The following ZNF277 variants were observed in gnomAD, a reference collection of about 807,000 sequenced individuals.
The protein encoded by ZNF277 is zinc finger protein 277, also known as nuclear receptor-interacting factor 4.
ZNF277 carries 55 observed loss-of-function variants against 60.7 expected under a neutral mutation model. The observed-to-expected ratio is 0.91, with a 90% CI of 0.73 to 1.13. The LOEUF (loss-of-function observed/expected upper bound fraction) is 1.13. ZNF277 is among the 50% of genes most tolerant of loss of function. The probability of loss-of-function intolerance (pLI) is 0.00; values close to 1 mark genes in which losing one functional copy is unlikely to be tolerated. For synonymous variants in ZNF277, 178 were observed against 179.3 expected, an observed-to-expected ratio of 0.99 and a Z score of 0.06; for missense variants, 510 against 523.0, an observed-to-expected ratio of 0.98 and a Z score of 0.24.
rs1793483536 is a variant in ZNF277 at position 112,343,522 on chromosome 7, A to G, written c.*793A>G. Among the ~76,000 whole-genome samples, 1 of 152,200 alleles carries G rather than the reference A, an allele frequency of 6.6e-6. No homozygotes were observed. The highest frequency in any genetic ancestry group is 2.4e-5 in the African/African-American group (1 of 41,454). ...TGTTTACAATATTATCAGTTTCATTACTGATGAATATTATATGCCTCCTGA... is the reference window on the plus strand; with the variant it reads ...TGTTTACAATATTATCAGTTTCATTGCTGATGAATATTATATGCCTCCTGA... On this transcript the variant is annotated 3_prime_UTR_variant, in exon 12 of 12. Transcript: ENST00000361822.
intron 1 of ZNF277, among the ~76,000 whole-genome samples, chr7:112,258,659 C>G (rs1791376723): frequency 6.6e-6 from 1 of 151,914 alleles, no homozygotes; most frequent in Non-Finnish European, 1.5e-5. Flanking sequence ...TAAAAATTTA[C>G]TTTTTTATTG....
intron 1 of ZNF277, among the ~76,000 whole-genome samples, chr7:112,277,107 A>T (rs1163825577): frequency 8.3e-6 from 1 of 120,744 alleles, no homozygotes; most frequent in Non-Finnish European, 1.7e-5. Context: ...TTTTTGAGAC[A>T]GAGTCTCCCT....
chr7:112,282,305 A>G (rs1490826091), intron 1 of ZNF277, among the ~76,000 whole-genome samples: 5 of 152,270 alleles, frequency 3.3e-5, no homozygotes, highest in African/African-American at 1.2e-4. Context: ...GGAAGACAGA[A>G]TAGTACAAAT....
intron 1 of ZNF277, among the ~76,000 whole-genome samples, chr7:112,240,863 T>C (rs1406900014): frequency 6.6e-6 from 1 of 152,138 alleles, no homozygotes; most frequent in Non-Finnish European, 1.5e-5. Flanking sequence ...TCAAAATGGA[T>C]TAAAGACTTA....
chr7:112,330,164 A>G lies in ZNF277; in HGVS notation c.749A>G (p.Lys250Arg). Residue 250 changes from lysine (K) to arginine (R), a missense_variant, in exon 7 of 12, where the codon AAG becomes AGG. Physicochemically the swap from Lys to Arg is conservative, Grantham distance 26. Coordinates refer to ENST00000361822, the MANE Select transcript of ZNF277 (RefSeq NM_021994.3). ...KDHMRKKQHR[K>R]INPKNREYDR... is the part of the protein sequence containing the mutation. ...CACATGAGGAAAAAACAGCATCGTA[A>G]GATTAATCCTAAGAACAGAGAATAT... 1 of 1,613,292 alleles carries G rather than the reference A, an allele frequency of 6.2e-7. No individual in the cohort carries two copies. The highest frequency in any genetic ancestry group is 8.5e-7 in the Non-Finnish European group (1 of 1,179,732).
chr7:112,249,732 G>A (rs1461870736), intron 1 of ZNF277, among the ~76,000 whole-genome samples: 1 of 152,186 alleles, frequency 6.6e-6, no homozygotes. Context: ...TCTTATGCCT[G>A]TCTTTACTGC....
In ZNF277 at chr7:112,332,957, G is replaced by A. The variant is rs566885080; in HGVS notation, c.801+2741G>A. ...TAAAGTATAATATTATATAGAACAA[G>A]TGTATAAAAAACTGTCCCAAATACT... On this transcript the variant is annotated intron_variant, in intron 7 of 11. Transcript: ENST00000361822. Among the ~76,000 whole-genome samples, 813 of 152,170 alleles carry A rather than the reference G, an allele frequency of 5.3e-3. 7 individuals carry two copies. The highest frequency in any genetic ancestry group is 0.01 in the Middle Eastern group (3 of 292).
At chr7:112,280,827 C>T (rs1386536792) in intron 1 of ZNF277, among the ~76,000 whole-genome samples, 3 of 152,024 alleles carry the variant, frequency 2.0e-5, no homozygotes, top group Non-Finnish European at 2.9e-5. Flanking sequence ...GGGGTTTCAC[C>T]GTGTTGCCCA....
chr7:112,317,265 C>G lies in ZNF277; in HGVS notation c.466-917C>G, dbSNP rs151197839. The stretch of plus-strand genomic sequence containing the variant: ...GTGGCACATGTCACTATGTAACAAA[C>G]CTGCATGATCTGCACATGTATCCCA... On this transcript the variant is annotated intron_variant, in intron 4 of 11. Transcript: ENST00000361822. Among the ~76,000 whole-genome samples, 96 of 152,040 alleles carry G rather than the reference C, an allele frequency of 6.3e-4. No individual in the cohort carries two copies. In the East Asian group the frequency reaches 0.017, roughly 28 times the overall value.
intron 1 of ZNF277, among the ~76,000 whole-genome samples, chr7:112,273,499 T>A (rs1462669120): frequency 6.6e-6 from 1 of 152,222 alleles, no homozygotes; most frequent in Non-Finnish European, 1.5e-5. Flanking sequence ...TTCAGGGATA[T>A]GAAGTTAAAA....
chr7:112,340,925 C>T lies in ZNF277; in HGVS notation c.1063C>T (p.His355Tyr). The T allele has an allele frequency of 3.1e-6, 5 of 1,612,156 alleles. No individual in the cohort carries two copies. Among genetic ancestry groups the T allele is most frequent in the Non-Finnish European group, 4.2e-6 (5 of 1,179,372 alleles). ...KLVNFIRRQV[H>Y]QCRCYGCHVK... ...GGTCAATTTTATTCGGAGGCAAGTT[C>T]ACCAATGCAGATGTTATGGCTGCCA... Residue 355 changes from histidine to tyrosine, a missense_variant, in exon 11 of 12, where the codon CAC becomes TAC. Coordinates refer to ENST00000361822, the MANE Select transcript of ZNF277 (RefSeq NM_021994.3).
At chr7:112,261,549 G>GA (rs1246395644) in intron 1 of ZNF277, among the ~76,000 whole-genome samples, 3 of 151,916 alleles carry the variant, frequency 2.0e-5, no homozygotes, top group Admixed American at 1.3e-4. Flanking sequence ...ATTGATGATG[G>GA]AAAAAATACT....
intron 1 of ZNF277, among the ~76,000 whole-genome samples, chr7:112,229,996 C>T (rs1822279804): frequency 6.6e-6 from 1 of 151,048 alleles, no homozygotes; most frequent in Non-Finnish European, 1.5e-5. Flanking sequence ...GAGTAGGAGA[C>T]AAGGCTAGAG....
At chr7:112,249,432 A>G (rs1791152936) in intron 1 of ZNF277, among the ~76,000 whole-genome samples, 1 of 152,058 alleles carries the variant, frequency 6.6e-6, no homozygotes, top group South Asian at 2.1e-4. Context: ...TGCCTCGGGG[A>G]TTGGAAGAGA....
intron 1 of ZNF277, among the ~76,000 whole-genome samples, chr7:112,249,886 A>G (rs548177993): frequency 6.6e-6 from 1 of 152,270 alleles, no homozygotes; most frequent in Non-Finnish European, 1.5e-5. Flanking sequence ...GGACCCTGTA[A>G]TAATTTCATT....
intron 1 of ZNF277, among the ~76,000 whole-genome samples, chr7:112,264,285 C>G (rs771237456): frequency 6.6e-6 from 1 of 152,128 alleles, no homozygotes; most frequent in Admixed American, 6.6e-5. Flanking sequence ...AATGCTAATG[C>G]CCAAACTTTC....
chr7:112,301,145 C>T (rs949421085), intron 4 of ZNF277, among the ~76,000 whole-genome samples: 1 of 151,838 alleles, frequency 6.6e-6, no homozygotes, highest in African/African-American at 2.4e-5. Context: ...TACAGTGGCT[C>T]ACTGCAACCT....
intron 1 of ZNF277, among the ~76,000 whole-genome samples, chr7:112,260,453 A>G (rs1171934208): frequency 2.6e-5 from 4 of 152,124 alleles, no homozygotes; most frequent in Admixed American, 1.3e-4. Context: ...TCATTTAGCA[A>G]TATGTTCTGA....
Position 112,343,571 on chromosome 7 carries a change from A to T in ZNF277, c.*842A>T, listed in dbSNP as rs1032520786. Among the ~76,000 whole-genome samples, 1 of 152,216 alleles carries T rather than the reference A, an allele frequency of 6.6e-6. No individual in the cohort carries two copies. Among genetic ancestry groups the T allele is most frequent in the African/African-American group, 2.4e-5 (1 of 41,442 alleles). ...GATAAGATGTACTGAGGAGGACAGA[A>T]TATCACTTTTGTAGATTTATACCAA... On this transcript the variant is annotated 3_prime_UTR_variant, in exon 12 of 12. Coordinates refer to ENST00000361822, the MANE Select transcript of ZNF277 (RefSeq NM_021994.3).
Sources: allele counts gnomAD v4.1 joint callset (sites outside exome capture counted in the v4.1 genomes callset), GRCh38; gene constraint gnomAD v4.1.1; transcripts MANE v1.5; gene names NCBI Gene and HGNC (gene_info 2026-07-23, HGNC 2026-07-21).